Variants in GPAM observed in about 807,000 individuals in gnomAD.
GPAM encodes the protein glycerol-3-phosphate acyltransferase, mitochondrial.
A neutral mutation model predicts 105.0 loss-of-function variants in GPAM; 56 were observed. That is an observed-to-expected ratio of 0.53 (90% CI 0.43 to 0.67). The LOEUF (loss-of-function observed/expected upper bound fraction) is 0.67, where lower values mean the gene tolerates loss of function less well. GPAM is among the 30% of genes least tolerant of loss of function. The pLI is 0.00. For synonymous variants in GPAM, 368 were observed against 354.4 expected, an observed-to-expected ratio of 1.04 and a Z score of -0.43; for missense variants, 855 against 989.8, an observed-to-expected ratio of 0.86 and a Z score of 1.83.
chr10:112,220,262 T>C (rs1337818743), upstream of GPAM, among the ~76,000 whole-genome samples: 1 of 151,652 alleles, frequency 6.6e-6, no homozygotes, highest in African/African-American at 2.4e-5. Flanking sequence ...CCCTAGCCTC[T>C]GAATGTTTCG....
chr10:112,224,267 A>T, the GPAM span, among the ~76,000 whole-genome samples: 1 of 152,262 alleles, frequency 6.6e-6, no homozygotes, highest in Non-Finnish European at 1.5e-5. Context: ...TTAAGTAATA[A>T]TAAGTTAAAT....
At chr10:112,196,049 C>T (rs749218111) in intron 1 of GPAM, among the ~76,000 whole-genome samples, 7 of 152,112 alleles carry the variant, frequency 4.6e-5, no homozygotes, top group Non-Finnish European at 5.9e-5. Context: ...GTGGTCTACA[C>T]AGAACAGAAT....
intron 2 of GPAM, 67 bp from the exon 3 acceptor site, chr10:112,181,880 C>T: frequency 1.3e-6 from 1 of 741,124 alleles, no homozygotes; most frequent in Non-Finnish European, 2.4e-6. Context: ...ACTCAAAATT[C>T]TGATTTCTAC....
At chr10:112,199,616 T>C (rs1340061588) in intron 1 of GPAM, among the ~76,000 whole-genome samples, 1 of 152,210 alleles carries the variant, frequency 6.6e-6, no homozygotes, top group Non-Finnish European at 1.5e-5. Flanking sequence ...ACAATGTACA[T>C]GTGTTAGTCT....
At chr10:112,153,855 G>T in intron 21 of GPAM, 189 bp from the exon 22 acceptor site, 1 of 550,008 alleles carries the variant, frequency 1.8e-6, no homozygotes, top group Non-Finnish European at 3.0e-6. Flanking sequence ...ATGCAAACAA[G>T]GTTTTCTTTT....
chr10:112,167,080 G>A (rs937667837), intron 11 of GPAM, among the ~76,000 whole-genome samples: 1 of 152,120 alleles, frequency 6.6e-6, no homozygotes, highest in Non-Finnish European at 1.5e-5. Flanking sequence ...GTCAGGATGA[G>A]TAGGGTATAC....
chr10:112,196,028 C>T (rs1847719571), intron 1 of GPAM, among the ~76,000 whole-genome samples: 1 of 152,158 alleles, frequency 6.6e-6, no homozygotes, highest in Non-Finnish European at 1.5e-5. Flanking sequence ...CCCTGATCTC[C>T]AGTGTAGGGG....
chr10:112,196,955 A>T (rs1289742134), intron 1 of GPAM, among the ~76,000 whole-genome samples: 8 of 152,160 alleles, frequency 5.3e-5, no homozygotes, highest in Admixed American at 5.2e-4. Context: ...CACCTCCATA[A>T]AGCATTGGAA....
At chr10:112,197,538 C>G (rs984819024) in intron 1 of GPAM, among the ~76,000 whole-genome samples, 15 of 146,306 alleles carry the variant, frequency 1.0e-4, no homozygotes, top group African/African-American at 3.8e-4. Context: ...GCACATTGTG[C>G]AGGTTAGTTA....
intron 19 of GPAM, 143 bp downstream of exon 19, chr10:112,157,106 G>C: frequency 1.3e-6 from 1 of 785,232 alleles, no homozygotes; most frequent in Non-Finnish European, 2.3e-6. Context: ...AACAGTTTGA[G>C]TGTCTTTACC....
At chr10:112,175,988 A>G (rs977993648) in intron 5 of GPAM, among the ~76,000 whole-genome samples, 2 of 152,216 alleles carry the variant, frequency 1.3e-5, no homozygotes, top group African/African-American at 4.8e-5. Flanking sequence ...CAAAAGAAAT[A>G]AGAACATCTG....
At chr10:112,188,616 T>C (rs1297435931), upstream of GPAM, among the ~76,000 whole-genome samples, 1 of 152,190 alleles carries the variant, frequency 6.6e-6, no homozygotes, top group Non-Finnish European at 1.5e-5. Flanking sequence ...ATTATGAAAA[T>C]GGCACACACC....
intron 16 of GPAM, 93 bp downstream of exon 16, chr10:112,160,511 G>A: frequency 2.3e-6 from 3 of 1,317,066 alleles, no homozygotes; most frequent in Non-Finnish European, 3.3e-6. Context: ...CAAGCAAGGG[G>A]CTATCACCCA....
At chr10:112,193,150 G>C (rs1265752508) in intron 1 of GPAM, among the ~76,000 whole-genome samples, 1 of 152,142 alleles carries the variant, frequency 6.6e-6, no homozygotes, top group Admixed American at 6.5e-5. Context: ...TGGAAGAGCA[G>C]AGAAGACAAA....
chr10:112,156,226 C>A, intron 19 of GPAM, 173 bp from the exon 20 acceptor site: 2 of 646,876 alleles, frequency 3.1e-6, no homozygotes, highest in Non-Finnish European at 2.8e-6. Flanking sequence ...CTGGAAACAA[C>A]TGCTGGCTTT....
At chr10:112,194,626 C>T (rs1847702139) in intron 1 of GPAM, among the ~76,000 whole-genome samples, 1 of 152,186 alleles carries the variant, frequency 6.6e-6, no homozygotes, top group Non-Finnish European at 1.5e-5. Context: ...TAGATTTTAA[C>T]ATGGACAAAC....
At chr10:112,171,932 C>T (rs2792703) in intron 9 of GPAM, among the ~76,000 whole-genome samples, 107,586 of 151,936 alleles carry the variant, frequency 0.71, 38,195 homozygotes, top group South Asian at 0.83. Context: ...ATTTGATAAA[C>T]AATGCCCATA....
At chr10:112,183,905 G>C (rs1458158885), upstream of GPAM, 1 of 152,560 alleles carries the variant, frequency 6.6e-6, no homozygotes, top group Non-Finnish European at 1.5e-5. Context: ...GTGCGTGCCT[G>C]TGTGTGGCTA....
intron 2 of GPAM, among the ~76,000 whole-genome samples, chr10:112,182,194 T>G (rs1388024340): frequency 6.6e-6 from 1 of 152,192 alleles, no homozygotes; most frequent in Non-Finnish European, 1.5e-5. Flanking sequence ...TGAATAGTCA[T>G]TTGCAAATGA....
Sources: gnomAD v4.1 joint callset for allele counts (sites outside exome capture counted in the v4.1 genomes callset) on GRCh38, gnomAD v4.1.1 for gene constraint, MANE v1.5 for transcripts, NCBI Gene and HGNC (gene_info 2026-07-23, HGNC 2026-07-21) for gene names.